USP48: variants seen among roughly 807,000 people sequenced by gnomAD.
The protein encoded by USP48 is ubiquitin carboxyl-terminal hydrolase 48.
USP48 carries 43 observed loss-of-function variants against 150.7 expected under a neutral mutation model. The ratio of observed to expected loss-of-function variants is 0.29; its 90% CI spans 0.22 to 0.37. The LOEUF (loss-of-function observed/expected upper bound fraction) is 0.37. Among genes scored for constraint, USP48 ranks in the 10% least tolerant of loss-of-function variants. The pLI is 1.00. For missense variants in USP48, 813 were observed against 1,249.6 expected (o/e 0.65, Z 5.27); for synonymous variants, 396 against 425.9 (o/e 0.93, Z 0.86).
At chr1:21,709,093 G>A (rs552631365) in intron 15 of USP48, among the ~76,000 whole-genome samples, 2 of 151,660 alleles carry the variant, frequency 1.3e-5, no homozygotes, top group East Asian at 2.0e-4. Context: ...ATTTTGTAGA[G>A]AGGGAGTCTC....
At chr1:21,693,879 C>T (rs2097612368) in intron 23 of USP48, among the ~76,000 whole-genome samples, 1 of 152,180 alleles carries the variant, frequency 6.6e-6, no homozygotes, top group South Asian at 2.1e-4. Context: ...CAAAGGAAGG[C>T]CTGTACTTTT....
At chr1:21,779,135 G>C (rs531634070) in intron 1 of USP48, among the ~76,000 whole-genome samples, 199 of 152,034 alleles carry the variant, frequency 1.3e-3, no homozygotes, top group African/African-American at 4.7e-3. Context: ...AGTGGCAGGA[G>C]GCTGAGGCGG....
intron 15 of USP48, 26 bp downstream of exon 15, chr1:21,715,363 A>G (rs1557480917): frequency 6.5e-7 from 1 of 1,546,250 alleles, no homozygotes; most frequent in Admixed American, 1.8e-5. Context: ...ACAATAAAAC[A>G]GAATTCATTT....
intron 9 of USP48, among the ~76,000 whole-genome samples, chr1:21,734,254 C>T (rs1304991654): frequency 2.6e-5 from 4 of 152,018 alleles, no homozygotes; most frequent in African/African-American, 2.4e-5. Context: ...ACAAAATTAG[C>T]CAGGTGTGGT....
chr1:21,683,841 T>G (rs887929202), intron 25 of USP48, among the ~76,000 whole-genome samples: 4 of 152,192 alleles, frequency 2.6e-5, no homozygotes, highest in African/African-American at 7.2e-5. Flanking sequence ...AGCCAAAAGA[T>G]CAGCTTTTTT....
chr1:21,756,475 A>C (rs2097835449), intron 3 of USP48, 71 bp downstream of exon 3: 2 of 20,548 alleles, frequency 9.7e-5, no homozygotes, highest in African/African-American at 1.7e-4. Flanking sequence ...AGGAAGACTC[A>C]AAAAAAAAAA....
At chr1:21,728,013 T>C (rs2097744166) in intron 11 of USP48, 4 of 985,328 alleles carry the variant, frequency 4.1e-6, no homozygotes, top group Non-Finnish European at 4.8e-6. Context: ...TTTTGAGACA[T>C]CAGGTAAACC....
chr1:21,704,836 T>C (rs1426464775), intron 19 of USP48, among the ~76,000 whole-genome samples: 1 of 152,100 alleles, frequency 6.6e-6, no homozygotes, highest in African/African-American at 2.4e-5. Context: ...GGATAAGCAC[T>C]GTGGGGCCTT....
At chr1:21,764,672 AC>A (rs964553810) in intron 1 of USP48, among the ~76,000 whole-genome samples, 1 of 137,830 alleles carries the variant, frequency 7.3e-6, no homozygotes, top group Non-Finnish European at 1.5e-5. Flanking sequence ...TGATTGTGCC[AC>A]CCCACACCAG....
intron 1 of USP48, among the ~76,000 whole-genome samples, chr1:21,776,677 G>A (rs1032143342): frequency 2.0e-5 from 3 of 150,840 alleles, no homozygotes; most frequent in African/African-American, 7.3e-5. Flanking sequence ...GACAGGGCCA[G>A]GCACAGTGGC....
At position 21,719,575 on chromosome 1, in the gene USP48, G is replaced by T. The variant is rs2097714163; in HGVS notation, c.1894+1461C>A. Among the ~76,000 whole-genome samples the T allele has an allele frequency of 2.0e-5, 3 of 152,176 alleles. No individual in the cohort carries two copies. In the South Asian group the frequency reaches 6.2e-4, roughly 31 times the overall value. ...AGACTAGCCTGGGCAACATAGTGAG[G>T]CCTTATCTCTAGAATTTAAAAGAAA... On this transcript the variant is annotated intron_variant, in intron 14 of 26. Transcript: ENST00000308271.
intron 22 of USP48, among the ~76,000 whole-genome samples, chr1:21,700,845 G>A (rs552872948): frequency 1.4e-4 from 21 of 152,196 alleles, no homozygotes; most frequent in East Asian, 9.7e-4. Flanking sequence ...AGGCCAAGGC[G>A]GGAGGATCAT....
chr1:21,709,497 T>C (rs2097684398), intron 15 of USP48, among the ~76,000 whole-genome samples: 1 of 151,554 alleles, frequency 6.6e-6, no homozygotes, highest in South Asian at 2.1e-4. Flanking sequence ...AACGTAACCA[T>C]AAAAAAGATT....
chr1:21,762,758 C>A (rs2097852928), intron 1 of USP48, among the ~76,000 whole-genome samples: 2 of 150,654 alleles, frequency 1.3e-5, no homozygotes, highest in Non-Finnish European at 2.9e-5. Context: ...CCTGGCTACT[C>A]AGGAGGCTGA....
intron 15 of USP48, among the ~76,000 whole-genome samples, chr1:21,708,461 C>A (rs2097679690): frequency 6.6e-6 from 1 of 150,634 alleles, no homozygotes; most frequent in South Asian, 2.1e-4. Flanking sequence ...TTGTGCCATT[C>A]CACTCCAGCC....
At chr1:21,764,220 T>C (rs2097856455) in intron 1 of USP48, among the ~76,000 whole-genome samples, 1 of 152,080 alleles carries the variant, frequency 6.6e-6, no homozygotes, top group South Asian at 2.1e-4. Context: ...GGCAGATCAC[T>C]TGAGGCCAGG....
In USP48 at chr1:21,685,464, G is replaced by A. The variant is rs115410328; in HGVS notation, c.3058+1727C>T. Among the ~76,000 whole-genome samples, 751 of 151,864 alleles carry A rather than the reference G, an allele frequency of 4.9e-3. 4 individuals are homozygous for A. Among genetic ancestry groups the A allele is most frequent in the African/African-American group, 0.017 (721 of 41,398 alleles). On this transcript the variant is annotated intron_variant, in intron 25 of 26. Coordinates refer to ENST00000308271, the MANE Select transcript of USP48 (RefSeq NM_032236.8). ...CTAGTAACTGGGATTACAGGCATGC[G>A]CTACTACGCCTGGTTAATTTTTGTA...
chr1:21,724,362 G>A (rs1441272827), intron 11 of USP48: 1 of 592,094 alleles, frequency 1.7e-6, no homozygotes, highest in Non-Finnish European at 3.0e-6. Context: ...CATTCTACAA[G>A]AGGCATCCAC....
At chr1:21,683,140 A>G (rs905409794) in intron 25 of USP48, among the ~76,000 whole-genome samples, 6 of 152,176 alleles carry the variant, frequency 3.9e-5, no homozygotes, top group African/African-American at 1.4e-4. Flanking sequence ...GCATGCCTAT[A>G]GTCCCAGCTA....
Sources: allele counts gnomAD v4.1 joint callset (sites outside exome capture counted in the v4.1 genomes callset), GRCh38; gene constraint gnomAD v4.1.1; transcripts MANE v1.5; gene names NCBI Gene and HGNC (gene_info 2026-07-23, HGNC 2026-07-21).